The following LPL variants were observed in gnomAD, a reference collection of about 807,000 sequenced individuals.
LPL encodes the protein phospholipase A1.
Under a neutral mutation model 52.2 loss-of-function variants are expected in LPL, and 43 were observed. That is an observed-to-expected ratio of 0.82 (90% CI 0.64 to 1.06). LPL has a LOEUF of 1.06. Among genes scored for constraint, LPL ranks in the 50% least tolerant of loss-of-function variants. LPL has a pLI of 0.00. For missense variants in LPL, 639 were observed against 585.3 expected, an observed-to-expected ratio of 1.09 and a Z score of -0.95; for synonymous variants, 244 against 215.6, an observed-to-expected ratio of 1.13 and a Z score of -1.15.
At chr8:19,961,631 T>C (rs1306708871) in intron 8 of LPL, among the ~76,000 whole-genome samples, 1 of 152,144 alleles carries the variant, frequency 6.6e-6, no homozygotes, top group Non-Finnish European at 1.5e-5. Flanking sequence ...TTAAAAAAAC[T>C]CTAAGTTAGG....
chr8:19,948,094 T>C, intron 1 of LPL, 86 bp from the exon 2 acceptor site: 1 of 1,398,776 alleles, frequency 7.1e-7, no homozygotes, highest in Non-Finnish European at 1.0e-6. Flanking sequence ...TCAGCGGTGG[T>C]TGCCTGTGAA....
rs889632936 is a variant in LPL at position 19,966,903 on chromosome 8, G to A, written c.*1593G>A. 3 of 152,624 alleles carry A rather than the reference G, an allele frequency of 2.0e-5. No individual in the cohort carries two copies. The highest frequency in any genetic ancestry group is 4.4e-5 in the Non-Finnish European group (3 of 68,044). 9.5% of individuals were successfully genotyped at this position (152,624 alleles called of 1,614,324 possible). On this transcript the variant is annotated 3_prime_UTR_variant, in exon 10 of 10. Transcript: ENST00000650287. ...TTCATTAAATTTCTGGATTTGGGTT[G>A]TGACCCAGGGTGCATTAACTTAAAA...
Position 19,939,477 on chromosome 8 carries a change from G to A in LPL, c.37G>A (p.Val13Met), listed in dbSNP as rs751494597. ...SKALLVLTLAVWLQSLTASRG... is the reference protein window; with the variant it reads ...SKALLVLTLAMWLQSLTASRG... ...AGCCCTGCTCGTGCTGACTCTGGCCGTGTGGCTCCAGAGTCTGACCGCCTC... is the reference window on the plus strand; with the variant it reads ...AGCCCTGCTCGTGCTGACTCTGGCCATGTGGCTCCAGAGTCTGACCGCCTC... Residue 13 changes from valine (V) to methionine (M), a missense_variant, in exon 1 of 10, where the codon GTG (valine) becomes ATG (methionine). By Grantham distance (21) the Val-to-Met change is conservative. Coordinates refer to ENST00000650287, the MANE Select transcript of LPL (RefSeq NM_000237.3). This position sits in a 1 kb window ranked among gnomAD's most constrained non-coding sequence, Gnocchi z 4.0. 2 of 1,610,906 alleles carry A rather than the reference G, an allele frequency of 1.2e-6. No homozygotes were observed. Among genetic ancestry groups the A allele is most frequent in the Admixed American group, 1.7e-5 (1 of 59,790 alleles).
intron 3 of LPL, 117 bp downstream of exon 3, chr8:19,952,065 A>G: frequency 8.9e-7 from 1 of 1,120,270 alleles, no homozygotes; most frequent in Non-Finnish European, 1.3e-6. Flanking sequence ...GGGGCATTCA[A>G]ATCTTCAGAA....
rs575869147 is a variant in LPL, at chr8:19,953,467, T to A, written c.541+46T>A. 383 of 1,405,546 alleles carry A rather than the reference T, an allele frequency of 2.7e-4. 3 individuals carry two copies. Among genetic ancestry groups the A allele is most frequent in the South Asian group, 6.7e-4 (58 of 86,828 alleles). The allele number at this position is 1,405,546 out of a possible 1,614,324, so 87.1% of individuals were successfully genotyped here. ...GTCTTATCATAAGAGGTGAAAAGAC[T>A]GTCATTCTGAGAGAGAATCAGAACA... On this transcript the variant is annotated intron_variant, in intron 4 of 9. Coordinates refer to ENST00000650287, the MANE Select transcript of LPL (RefSeq NM_000237.3).
chr8:19,943,402 G>T (rs1197467894), intron 1 of LPL, among the ~76,000 whole-genome samples: 1 of 152,002 alleles, frequency 6.6e-6, no homozygotes, highest in Non-Finnish European at 1.5e-5. Flanking sequence ...ATTAATTACG[G>T]TGAAAAACAG....
chr8:19,956,532 T>G (rs540562340), intron 6 of LPL, among the ~76,000 whole-genome samples: 108 of 152,304 alleles, frequency 7.1e-4, no homozygotes, highest in Non-Finnish European at 1.1e-3. Context: ...CATGGGAGTT[T>G]GTTGTCCAGA....
chr8:19,940,877 G>C (rs987171769), intron 1 of LPL, among the ~76,000 whole-genome samples: 1 of 152,168 alleles, frequency 6.6e-6, no homozygotes, highest in East Asian at 1.9e-4. Context: ...GACAGCTTGA[G>C]CCCAGAAGTT....
chr8:19,955,846 G>T lies in LPL; in HGVS notation c.781G>T (p.Asp261Tyr). The change falls in exon 6 of 10, where the codon GAC becomes TAC. Residue 261 changes from aspartate to tyrosine, a missense_variant. Coordinates refer to ENST00000650287, the MANE Select transcript of LPL (RefSeq NM_000237.3). ...VIAERGLGDV[D>Y]QLVKCSHERS... Reference sequence around the variant, plus strand: ...GGTGTCTCTTTTTTACCCAGATGTGGACCAGCTAGTGAAGTGCTCCCACGA... The same window carrying T: ...GGTGTCTCTTTTTTACCCAGATGTGTACCAGCTAGTGAAGTGCTCCCACGA... 6.2e-7 allele frequency: 1 copy of T among 1,614,092 alleles called. No homozygotes were observed. Among genetic ancestry groups the T allele is most frequent in the South Asian group, 1.1e-5 (1 of 91,070 alleles).
intron 1 of LPL, among the ~76,000 whole-genome samples, chr8:19,940,146 C>G (rs1325030280): frequency 1.3e-5 from 2 of 152,196 alleles, no homozygotes. Context: ...GTACGCGTGG[C>G]GCGGAGTCCT....
At chr8:19,945,192 A>T (rs1033108574) in intron 1 of LPL, among the ~76,000 whole-genome samples, 2 of 152,208 alleles carry the variant, frequency 1.3e-5, no homozygotes, top group African/African-American at 4.8e-5. Context: ...TAGCAATCAC[A>T]GGATGCATTG....
At chr8:19,942,775 T>C (rs1011859387) in intron 1 of LPL, among the ~76,000 whole-genome samples, 5 of 152,232 alleles carry the variant, frequency 3.3e-5, no homozygotes, top group Non-Finnish European at 7.3e-5. Flanking sequence ...TGCTGTCTTG[T>C]GGCCATTTTA....
Position 19,939,289 on chromosome 8 carries a change from G to C in LPL, c.-152G>C. On this transcript the variant is annotated 5_prime_UTR_variant, in exon 1 of 10. Transcript: ENST00000650287. This position sits in a 1 kb window ranked among gnomAD's most constrained non-coding sequence, Gnocchi z 4.0. ...TTCCCCCTCTTCCTCCTCCTCAAGG[G>C]AAAGCTGCCCACTTCTAGCTGCCCT... is the stretch of plus-strand genomic sequence containing the variant. 1.5e-6 allele frequency: 1 copy of C among 662,440 alleles called. No homozygotes were observed. Among genetic ancestry groups the C allele is most frequent in the Non-Finnish European group, 2.7e-6 (1 of 375,220 alleles). 41.0% of individuals were successfully genotyped at this position (662,440 alleles called of 1,614,324 possible).
At chr8:19,954,073 C>A (rs370495190) in intron 4 of LPL, 47 bp from the exon 5 acceptor site, 5 of 1,365,118 alleles carry the variant, frequency 3.7e-6, no homozygotes, top group Non-Finnish European at 5.2e-6. Flanking sequence ...GAATGTCATA[C>A]GAATGGAAAT....
At chr8:19,957,413 T>C (rs1350231306) in intron 6 of LPL, among the ~76,000 whole-genome samples, 1 of 152,176 alleles carries the variant, frequency 6.6e-6, no homozygotes, top group African/African-American at 2.4e-5. Context: ...TTTCGTGGTA[T>C]AGAGGTTGAG....
intron 9 of LPL, 37 bp from the exon 10 acceptor site, chr8:19,965,273 G>A (rs1424592532): frequency 1.3e-6 from 1 of 780,494 alleles, no homozygotes; most frequent in Non-Finnish European, 2.4e-6. Flanking sequence ...ACACTCAGAA[G>A]ATAATAAATT....
chr8:19,941,314 A>G (rs1164984064), intron 1 of LPL, among the ~76,000 whole-genome samples: 1 of 152,228 alleles, frequency 6.6e-6, no homozygotes, highest in Admixed American at 6.5e-5. Flanking sequence ...TATTTCAGAA[A>G]GCACACCATA....
At position 19,960,948 on chromosome 8, in the gene LPL, A is replaced by G; in HGVS notation, c.1187A>G (p.Glu396Gly). ...NKTYSFLIYTEVDIGELLMLK... is the reference protein window; with the variant it reads ...NKTYSFLIYTGVDIGELLMLK... ...ACCTACTCCTTCCTAATTTACACAGAGGTAGATATTGGAGAACTACTCATG... is the reference window on the plus strand; with the variant it reads ...ACCTACTCCTTCCTAATTTACACAGGGGTAGATATTGGAGAACTACTCATG... The change falls in exon 8 of 10, where the codon GAG becomes GGG. Residue 396 changes from glutamate to glycine, a missense_variant. Coordinates refer to ENST00000650287, the MANE Select transcript of LPL (RefSeq NM_000237.3). 1.9e-6 allele frequency: 3 copies of G among 1,614,110 alleles called. No individual in the cohort carries two copies. The highest frequency in any genetic ancestry group is 2.5e-6 in the Non-Finnish European group (3 of 1,179,952).
chr8:19,956,822 T>A (rs760468493), intron 6 of LPL, among the ~76,000 whole-genome samples: 2 of 152,112 alleles, frequency 1.3e-5, no homozygotes, highest in Non-Finnish European at 2.9e-5. Flanking sequence ...CCATCTGTCT[T>A]ATTTATTTAT....
Sources: allele counts gnomAD v4.1 joint callset (sites outside exome capture counted in the v4.1 genomes callset), GRCh38; gene constraint gnomAD v4.1.1; non-coding constraint Gnocchi (gnomAD v3.1); transcripts MANE v1.5; gene names NCBI Gene and HGNC (gene_info 2026-07-23, HGNC 2026-07-21).